STK3: variants seen among roughly 807,000 people sequenced by gnomAD.
STK3 encodes serine/threonine kinase 3.
A neutral mutation model predicts 58.0 loss-of-function variants in STK3; 41 were observed. The observed-to-expected ratio is 0.71, with a 90% CI of 0.55 to 0.92. STK3 has a LOEUF of 0.92. Ranked by LOEUF, STK3 falls within the 40% of genes least tolerant of loss-of-function variation. The probability of loss-of-function intolerance (pLI) is 0.00; values close to 1 mark genes in which losing one functional copy is unlikely to be tolerated. For missense variants in STK3, 479 were observed against 602.7 expected (o/e 0.79, Z 2.15); for synonymous variants, 170 against 191.0 (o/e 0.89, Z 0.91).
Position 98,898,725 on chromosome 8 carries a change from G to T in STK3, c.-78-14891C>A, listed in dbSNP as rs1838547788. ...GAAGAGGCTAACTCACAAATGGCAG[G>T]AAACCAACTCCCCAAAAGACTTTTT... On this transcript the variant is annotated intron_variant, in intron 1 of 1. Coordinates refer to the STK3 transcript ENST00000519420. Among the ~76,000 whole-genome samples, 3 of 152,116 alleles carry T rather than the reference G, an allele frequency of 2.0e-5. No individual in the cohort carries two copies. The South Asian group carries it at 6.2e-4, about 32-fold the overall frequency.
chr8:98,355,647 GT>G, the STK3 span, among the ~76,000 whole-genome samples: 1 of 152,154 alleles, frequency 6.6e-6, no homozygotes, highest in Non-Finnish European at 1.5e-5. Flanking sequence ...TAGCTTCCTG[GT>G]CCCCATAGCT....
chr8:98,494,015 T>C (rs534667044), intron 10 of STK3, among the ~76,000 whole-genome samples: 32 of 152,338 alleles, frequency 2.1e-4, no homozygotes, highest in South Asian at 1.7e-3. Flanking sequence ...TTGGACTATG[T>C]CATATTGCAA....
At chr8:98,538,816 C>T (rs1403556915) in intron 9 of STK3, among the ~76,000 whole-genome samples, 2 of 152,188 alleles carry the variant, frequency 1.3e-5, no homozygotes, top group South Asian at 2.1e-4. Flanking sequence ...CTTCGTTAAA[C>T]GTCCCACGGA....
chr8:98,749,147 T>C (rs1829813364), intron 4 of STK3, 129 bp downstream of exon 4: 2 of 593,240 alleles, frequency 3.4e-6, no homozygotes, highest in South Asian at 6.0e-5. Flanking sequence ...CTACTAGATA[T>C]CTTTACACCA....
At chr8:98,467,884 C>T (rs1820608127) in intron 10 of STK3, among the ~76,000 whole-genome samples, 1 of 152,154 alleles carries the variant, frequency 6.6e-6, no homozygotes, top group Non-Finnish European at 1.5e-5. Context: ...CAATTTTCTG[C>T]TTCACTGACA....
At chr8:98,703,718 T>C (rs1034401273) in intron 6 of STK3, among the ~76,000 whole-genome samples, 2 of 152,076 alleles carry the variant, frequency 1.3e-5, no homozygotes, top group African/African-American at 4.8e-5. Context: ...ACTCATTCAT[T>C]AAAACCCAAA....
intron 3 of STK3, among the ~76,000 whole-genome samples, chr8:98,404,572 C>A (rs529996243): frequency 6.7e-6 from 1 of 148,816 alleles, no homozygotes; most frequent in African/African-American, 2.5e-5. Flanking sequence ...CCCAGCTACT[C>A]GGGAGGCTGA....
intron 6 of STK3, among the ~76,000 whole-genome samples, chr8:98,611,354 CACAG>C (rs1299148250): frequency 4.0e-5 from 6 of 151,734 alleles, no homozygotes; most frequent in African/African-American, 1.5e-4. Context: ...AAAAAAGACA[CACAG>C]ACATATATAC....
At chr8:98,418,275 T>C (rs892656730) in intron 3 of STK3, among the ~76,000 whole-genome samples, 1 of 152,230 alleles carries the variant, frequency 6.6e-6, no homozygotes, top group African/African-American at 2.4e-5. Context: ...CAATGCCTGA[T>C]CTGTGGGTAG....
rs182321421 is a variant in STK3 at position 98,697,588 on chromosome 8, C to T, written c.684+8879G>A. Among the ~76,000 whole-genome samples the T allele has an allele frequency of 9.2e-3, 1,399 of 152,148 alleles. 16 individuals carry two copies. The highest frequency in any genetic ancestry group is 0.032 in the African/African-American group (1,321 of 41,514). ...GCTATCATTGGTTTCAAAGAACATC[C>T]TTATTTCTGCCTTCATTTTGTTATG... On this transcript the variant is annotated intron_variant, in intron 6 of 10. Transcript: ENST00000419617.
At chr8:98,940,057 A>C (rs72668463) in intron 1 of STK3, among the ~76,000 whole-genome samples, 1 of 152,134 alleles carries the variant, frequency 6.6e-6, no homozygotes, top group Non-Finnish European at 1.5e-5. Context: ...ACTGCAGGAG[A>C]TCCCCTTCCC....
At chr8:98,895,489 C>T (rs900347450) in intron 1 of STK3, among the ~76,000 whole-genome samples, 1 of 152,142 alleles carries the variant, frequency 6.6e-6, no homozygotes, top group Non-Finnish European at 1.5e-5. Flanking sequence ...CTTGGCCAAT[C>T]AGGACAAGGC....
intron 4 of STK3, among the ~76,000 whole-genome samples, chr8:98,714,101 A>C (rs1004313340): frequency 1.3e-5 from 2 of 152,204 alleles, no homozygotes; most frequent in Admixed American, 6.5e-5. Context: ...ACAAACTCTC[A>C]ATAAATTAGG....
intron 8 of STK3, among the ~76,000 whole-genome samples, chr8:98,552,709 T>C (rs1321254393): frequency 6.6e-6 from 1 of 152,156 alleles, no homozygotes; most frequent in Non-Finnish European, 1.5e-5. Context: ...AGTCTATATC[T>C]GGCCTTTACG....
chr8:98,673,354 ATAT>A (rs1822964495), intron 6 of STK3, among the ~76,000 whole-genome samples: 1 of 152,232 alleles, frequency 6.6e-6, no homozygotes, highest in Non-Finnish European at 1.5e-5. Flanking sequence ...TAAGCTGTAG[ATAT>A]AGTACTAACA....
chr8:98,420,799 G>A (rs1443114934), intron 3 of STK3, among the ~76,000 whole-genome samples: 1 of 152,242 alleles, frequency 6.6e-6, no homozygotes, highest in Non-Finnish European at 1.5e-5. Flanking sequence ...CAAGCACTCA[G>A]CAATTGGCAC....
chr8:98,723,575 C>T (rs1333309881), intron 4 of STK3, among the ~76,000 whole-genome samples: 2 of 152,040 alleles, frequency 1.3e-5, no homozygotes, highest in East Asian at 1.9e-4. Context: ...TAAGTTCACA[C>T]AAAATTAAGA....
At chr8:98,677,905 T>C (rs1039504164) in intron 6 of STK3, among the ~76,000 whole-genome samples, 1 of 152,240 alleles carries the variant, frequency 6.6e-6, no homozygotes, top group Non-Finnish European at 1.5e-5. Context: ...CAATTCTGCC[T>C]ACCCCAGTAA....
chr8:98,883,423 C>T (rs1385539914), downstream of STK3: 3 of 471,322 alleles, frequency 6.4e-6, no homozygotes, highest in Admixed American at 9.9e-5. Flanking sequence ...CAGCATATTA[C>T]AAAATTTCAT....
Sources: allele counts gnomAD v4.1 joint callset (sites outside exome capture counted in the v4.1 genomes callset), GRCh38; gene constraint gnomAD v4.1.1; transcripts MANE v1.5; gene names NCBI Gene and HGNC (gene_info 2026-07-23, HGNC 2026-07-21).